The following TBC1D5 variants were observed in gnomAD, a reference collection of about 807,000 sequenced individuals.
TBC1D5 encodes TBC1 domain family, member 5.
A neutral mutation model predicts 100.3 loss-of-function variants in TBC1D5; 75 were observed. The ratio of observed to expected loss-of-function variants is 0.75; its 90% CI spans 0.62 to 0.91. The LOEUF is 0.91. TBC1D5 is among the 40% of genes least tolerant of loss of function. TBC1D5 has a pLI of 0.00. For missense variants in TBC1D5, 910 were observed against 942.4 expected (o/e 0.97, Z 0.45); for synonymous variants, 323 against 325.6 (o/e 0.99, Z 0.09).
intron 1 of TBC1D5, among the ~76,000 whole-genome samples, chr3:17,667,865 TG>T (rs1329733283): frequency 6.6e-6 from 1 of 152,102 alleles, no homozygotes; most frequent in Middle Eastern, 3.2e-3. Flanking sequence ...CTGATTAGTC[TG>T]ATTTTTTTTT....
At chr3:17,519,547 T>G (rs1364659196) in intron 2 of TBC1D5, among the ~76,000 whole-genome samples, 2 of 152,230 alleles carry the variant, frequency 1.3e-5, no homozygotes, top group African/African-American at 2.4e-5. Context: ...TAACCATTCT[T>G]TAGTATAATG....
intron 3 of TBC1D5, among the ~76,000 whole-genome samples, chr3:17,479,338 G>A (rs542901260): frequency 4.5e-4 from 68 of 152,330 alleles, no homozygotes; most frequent in African/African-American, 1.5e-3. Context: ...AGAAGGTTGA[G>A]ACTGCAGTGA....
chr3:17,538,303 C>G (rs555026659), intron 2 of TBC1D5, among the ~76,000 whole-genome samples: 1 of 152,282 alleles, frequency 6.6e-6, no homozygotes, highest in East Asian at 1.9e-4. Flanking sequence ...ATCCACTTCT[C>G]AGGAAGATCT....
intron 17 of TBC1D5, among the ~76,000 whole-genome samples, chr3:17,225,489 C>T (rs1431869984): frequency 6.8e-6 from 1 of 146,646 alleles, no homozygotes; most frequent in Non-Finnish European, 1.5e-5. Context: ...CAGTACAACA[C>T]AAATAGTACA....
chr3:17,348,845 A>T (rs938064516), intron 13 of TBC1D5, among the ~76,000 whole-genome samples: 5 of 152,170 alleles, frequency 3.3e-5, no homozygotes, highest in African/African-American at 1.2e-4. Context: ...ATAAATTTGA[A>T]ATTGAAACTG....
intron 1 of TBC1D5, among the ~76,000 whole-genome samples, chr3:17,646,408 A>T (rs2065020835): frequency 6.6e-6 from 1 of 152,086 alleles, no homozygotes; most frequent in Non-Finnish European, 1.5e-5. Flanking sequence ...ACAGCACCAT[A>T]AACTGAATTT....
rs746289820 is a variant in TBC1D5, at chr3:17,583,388, C to CA, written c.-36+40460dup. On this transcript the variant is annotated intron_variant, in intron 2 of 21. Coordinates refer to ENST00000253692, the Ensembl canonical transcript of TBC1D5. ...CGGTATCATAAGATTTCCTGATAAT[C>CA]AAAAAAAAAAATGGAAAATAGTAAG... Among the ~76,000 whole-genome samples, 887 of 144,138 alleles carry CA rather than the reference C, an allele frequency of 6.2e-3. 5 individuals carry two copies. The highest frequency in any genetic ancestry group is 0.014 in the African/African-American group (555 of 39,488). 94.6% of individuals were successfully genotyped at this position (144,138 alleles called of 152,430 possible). A position where few individuals can be genotyped will look rare whatever the true frequency, so the allele number is the denominator to read the frequency against.
intron 1 of TBC1D5, among the ~76,000 whole-genome samples, chr3:17,709,770 A>G (rs1200838887): frequency 6.6e-6 from 1 of 152,190 alleles, no homozygotes; most frequent in African/African-American, 2.4e-5. Flanking sequence ...AAATTGCTGC[A>G]AAATATAGGA....
intron 4 of TBC1D5, among the ~76,000 whole-genome samples, chr3:17,426,527 TACA>T (rs1274218104): frequency 1.3e-5 from 2 of 152,124 alleles, no homozygotes; most frequent in Admixed American, 6.5e-5. Flanking sequence ...TCTTTTTAAT[TACA>T]ACAATAAATT....
At chr3:17,535,084 C>A (rs2096269582) in intron 2 of TBC1D5, among the ~76,000 whole-genome samples, 1 of 152,122 alleles carries the variant, frequency 6.6e-6, no homozygotes, top group Non-Finnish European at 1.5e-5. Context: ...TTTAAACTTT[C>A]TTCAGTGAAA....
intron 3 of TBC1D5, among the ~76,000 whole-genome samples, chr3:17,432,514 C>A (rs1166170097): frequency 6.6e-6 from 1 of 152,058 alleles, no homozygotes; most frequent in African/African-American, 2.4e-5. Flanking sequence ...AATCCAGGAC[C>A]ACTCATTAGA....
chr3:17,610,488 C>CT (rs2061600490), intron 2 of TBC1D5, among the ~76,000 whole-genome samples: 1 of 152,186 alleles, frequency 6.6e-6, no homozygotes, highest in South Asian at 2.1e-4. Context: ...CGCCCAGCCT[C>CT]TTCCCACTTT....
intron 1 of TBC1D5, among the ~76,000 whole-genome samples, chr3:17,738,185 C>G (rs1174939255): frequency 6.6e-6 from 1 of 152,156 alleles, no homozygotes; most frequent in Non-Finnish European, 1.5e-5. Context: ...CATTACTATA[C>G]CAATTTTGTA....
intron 15 of TBC1D5, among the ~76,000 whole-genome samples, chr3:17,288,050 G>A (rs1384076363): frequency 6.6e-6 from 1 of 152,176 alleles, no homozygotes; most frequent in African/African-American, 2.4e-5. Flanking sequence ...AATGATTACA[G>A]TATTTTTAGT....
At chr3:17,344,347 T>A (rs1659902322) in intron 13 of TBC1D5, among the ~76,000 whole-genome samples, 1 of 152,090 alleles carries the variant, frequency 6.6e-6, no homozygotes, top group African/African-American at 2.4e-5. Flanking sequence ...TACTGAGGAA[T>A]CCCACTTACA....
intron 1 of TBC1D5, among the ~76,000 whole-genome samples, chr3:17,732,984 T>C (rs1301579886): frequency 6.6e-6 from 1 of 152,140 alleles, no homozygotes; most frequent in Non-Finnish European, 1.5e-5. Context: ...CTTCCCATAC[T>C]GGTAGAAAGC....
intron 1 of TBC1D5, among the ~76,000 whole-genome samples, chr3:17,718,511 G>A (rs2075425016): frequency 6.6e-6 from 1 of 152,084 alleles, no homozygotes; most frequent in Admixed American, 6.6e-5. Flanking sequence ...GCAGGAAAAT[G>A]GCATGAACCC....
At chr3:17,732,434 T>C (rs1200571341) in intron 1 of TBC1D5, among the ~76,000 whole-genome samples, 1 of 152,010 alleles carries the variant, frequency 6.6e-6, no homozygotes, top group African/African-American at 2.4e-5. Context: ...TCTATAATTT[T>C]CTGGCTGGGC....
At chr3:17,186,886 C>T (rs1201381191) in intron 18 of TBC1D5, among the ~76,000 whole-genome samples, 1 of 151,972 alleles carries the variant, frequency 6.6e-6, no homozygotes, top group Non-Finnish European at 1.5e-5. Context: ...TCCTCCAATA[C>T]TCAAATAAGA....
Sources: gnomAD v4.1 joint callset for allele counts (sites outside exome capture counted in the v4.1 genomes callset) on GRCh38, gnomAD v4.1.1 for gene constraint, MANE v1.5 for transcripts, NCBI Gene and HGNC (gene_info 2026-07-23, HGNC 2026-07-21) for gene names.